Variants in FAR1 observed in about 807,000 individuals in gnomAD.
FAR1 encodes the protein male sterility domain-containing protein 2.
Under a neutral mutation model 61.1 loss-of-function variants are expected in FAR1, and 22 were observed. The ratio of observed to expected loss-of-function variants is 0.36; its 90% CI spans 0.26 to 0.51. The LOEUF is 0.51. Ranked by LOEUF, FAR1 falls within the 20% of genes least tolerant of loss-of-function variation. FAR1 has a pLI of 0.95. For synonymous variants in FAR1, 206 were observed against 209.7 expected (o/e 0.98, Z 0.15); for missense variants, 359 against 626.9 (o/e 0.57, Z 4.56).
chr11:13,711,340 G>A (rs746293322), intron 5 of FAR1, among the ~76,000 whole-genome samples: 3 of 152,120 alleles, frequency 2.0e-5, no homozygotes, highest in African/African-American at 4.8e-5. Flanking sequence ...GATAGCATCT[G>A]TTGTTGCTTT....
At chr11:13,674,166 G>A (rs970147100) in intron 1 of FAR1, among the ~76,000 whole-genome samples, 24 of 151,986 alleles carry the variant, frequency 1.6e-4, no homozygotes, top group East Asian at 3.9e-4. Context: ...AAAATTAGCC[G>A]GGCGTGGTGG....
At chr11:13,717,055 G>C (rs1848564603) in intron 9 of FAR1, among the ~76,000 whole-genome samples, 1 of 150,438 alleles carries the variant, frequency 6.6e-6, no homozygotes, top group Non-Finnish European at 1.5e-5. Context: ...TTTTTGGAAA[G>C]TACAATCTGC....
intron 6 of FAR1, 58 bp downstream of exon 6, chr11:13,711,866 C>T (rs1848502757): frequency 2.6e-6 from 4 of 1,540,286 alleles, no homozygotes; most frequent in Admixed American, 3.5e-5. Flanking sequence ...TTTTGTATAT[C>T]TTTAAATATA....
chr11:13,691,377 G>A (rs1236636825), intron 1 of FAR1, among the ~76,000 whole-genome samples: 1 of 152,160 alleles, frequency 6.6e-6, no homozygotes, highest in Non-Finnish European at 1.5e-5. Context: ...CTGAATTTTG[G>A]AGGGGACACA....
rs1848600067 is a variant in FAR1, at chr11:13,720,610, A to T, written c.1128-1120A>T. On this transcript the variant is annotated intron_variant, in intron 9 of 11. Transcript: ENST00000354817. ...CAGAGTTTATTTCTAAATGTATTGAATTGTGTTATCAGAAGTGCTTAGCTA... is the reference window on the plus strand; with the variant it reads ...CAGAGTTTATTTCTAAATGTATTGATTTGTGTTATCAGAAGTGCTTAGCTA... The T allele has an allele frequency of 3.3e-5, 5 of 152,010 alleles. No individual in the cohort carries two copies. The South Asian group carries it at 1.0e-3, about 32-fold the overall frequency. The allele number at this position is 152,010 out of a possible 1,614,324, so 9.4% of individuals were successfully genotyped here. A position where few individuals can be genotyped will look rare whatever the true frequency, so the allele number is the denominator to read the frequency against.
intron 4 of FAR1, among the ~76,000 whole-genome samples, chr11:13,708,306 C>T (rs868826495): frequency 6.6e-6 from 1 of 151,408 alleles, no homozygotes; most frequent in South Asian, 2.1e-4. Flanking sequence ...TGCAGTGAGC[C>T]GAGATGGCGC....
intron 4 of FAR1, among the ~76,000 whole-genome samples, chr11:13,708,382 A>G (rs1178440344): frequency 1.3e-5 from 2 of 149,858 alleles, no homozygotes; most frequent in African/African-American, 4.9e-5. Context: ...CAAAAAAAAA[A>G]CCTTTGGATT....
At chr11:13,688,159 T>C (rs1434723010) in intron 1 of FAR1, among the ~76,000 whole-genome samples, 1 of 151,578 alleles carries the variant, frequency 6.6e-6, no homozygotes, top group East Asian at 1.9e-4. Context: ...GAAAATAAAA[T>C]GAGTCTCTTG....
intron 1 of FAR1, chr11:13,685,431 C>T (rs137950523): frequency 3.6e-4 from 75 of 208,376 alleles, no homozygotes; most frequent in African/African-American, 1.6e-3. Context: ...ACATTTTCAG[C>T]TTGATATGGT....
At chr11:13,681,300 A>G (rs915156063) in intron 1 of FAR1, among the ~76,000 whole-genome samples, 43 of 152,178 alleles carry the variant, frequency 2.8e-4, no homozygotes, top group African/African-American at 8.2e-4. Context: ...AATAGGTCCA[A>G]CATGGGTTGG....
In FAR1 at chr11:13,721,844, C is replaced by G; in HGVS notation, c.1242C>G (p.Asn414Lys). 1 of 1,599,090 alleles carries G rather than the reference C, an allele frequency of 6.3e-7. No homozygotes were observed. The highest frequency in any genetic ancestry group is 8.5e-7 in the Non-Finnish European group (1 of 1,174,488). Residue 414 changes from asparagine to lysine, a missense_variant, in exon 10 of 12, where the codon AAC becomes AAG. Coordinates refer to ENST00000354817, the MANE Select transcript of FAR1 (RefSeq NM_032228.6). This position sits in a 1 kb window ranked among gnomAD's most constrained non-coding sequence, Gnocchi z 4.2. ...ENVNMLMNQL[N>K]PEDKKTFNID... Reference sequence around the variant, plus strand: ...TCAATATGTTAATGAATCAACTAAACCCTGAAGATAAAAAGGCAAGCAAGT... The same window carrying G: ...TCAATATGTTAATGAATCAACTAAAGCCTGAAGATAAAAAGGCAAGCAAGT...
chr11:13,710,464 G>T lies in FAR1; in HGVS notation c.546-229G>T, dbSNP rs144995575. 6.7e-3 allele frequency among the ~76,000 whole-genome samples: 1,020 copies of T among 151,938 alleles called. 13 individuals are homozygous for T. Among genetic ancestry groups the T allele is most frequent in the Middle Eastern group, 0.017 (5 of 294 alleles). ...GCTATCCACTGTATGATTTATGAAA[G>T]AACTCTTAGTTTTCAGATCTTTTTG... On this transcript the variant is annotated intron_variant, in intron 4 of 11. Transcript: ENST00000354817.
chr11:13,693,188 T>G (rs183422837), intron 1 of FAR1, among the ~76,000 whole-genome samples: 2 of 152,298 alleles, frequency 1.3e-5, no homozygotes, highest in African/African-American at 4.8e-5. Flanking sequence ...CAACAGCTAA[T>G]GAGCTTAAAA....
intron 9 of FAR1, among the ~76,000 whole-genome samples, chr11:13,717,024 T>G (rs1848564302): frequency 6.9e-6 from 1 of 144,328 alleles, no homozygotes; most frequent in South Asian, 2.2e-4. Flanking sequence ...GTGGTCAAGA[T>G]GAAGGGTATT....
rs145022839 is a variant in FAR1, at chr11:13,708,110, C to G, written c.545+31C>G. On this transcript the variant is annotated intron_variant, in intron 4 of 11. Transcript: ENST00000354817. ...TTTGTTTGAAATTTATATACATTTA[C>G]TTTGATCCCAAAAGAGGCCAAGGCG... 6.2e-5 allele frequency: 93 copies of G among 1,493,714 alleles called. No individual in the cohort carries two copies. The African/African-American group carries it at 1.1e-3, about 17-fold the overall frequency. 92.5% of individuals were successfully genotyped at this position (1,493,714 alleles called of 1,614,324 possible). A position where few individuals can be genotyped will look rare whatever the true frequency, so the allele number is the denominator to read the frequency against.
intron 1 of FAR1, among the ~76,000 whole-genome samples, chr11:13,682,340 T>C (rs759204737): frequency 6.6e-6 from 1 of 152,208 alleles, no homozygotes; most frequent in African/African-American, 2.4e-5. Flanking sequence ...TTGTGGAATA[T>C]TGGAAATCAT....
In FAR1 at chr11:13,712,057, T is replaced by G. The variant is rs900944877; in HGVS notation, c.887+11T>G. ...TTCCGGAGTTAATAGGTATATGAGG[T>G]GACAATGTCGCTTATTAAATATATA... On this transcript the variant is annotated intron_variant, in intron 7 of 11. Transcript: ENST00000354817. The G allele has an allele frequency of 3.9e-6, 6 of 1,540,456 alleles. No individual in the cohort carries two copies. The African/African-American group carries it at 8.2e-5, about 21-fold the overall frequency.
At chr11:13,692,108 A>G (rs1441712800) in intron 1 of FAR1, among the ~76,000 whole-genome samples, 2 of 152,200 alleles carry the variant, frequency 1.3e-5, no homozygotes, top group Non-Finnish European at 2.9e-5. Flanking sequence ...TAAAGGATGC[A>G]GTGAGCCGAG....
At chr11:13,697,916 A>C (rs978320704) in intron 2 of FAR1, among the ~76,000 whole-genome samples, 9 of 152,080 alleles carry the variant, frequency 5.9e-5, no homozygotes, top group African/African-American at 1.7e-4. Flanking sequence ...GTTTTATGTG[A>C]GATGAATGGA....
Sources: gnomAD v4.1 joint callset for allele counts (sites outside exome capture counted in the v4.1 genomes callset) on GRCh38, gnomAD v4.1.1 for gene constraint, Gnocchi (gnomAD v3.1) non-coding constraint, MANE v1.5 for transcripts, NCBI Gene and HGNC (gene_info 2026-07-23, HGNC 2026-07-21) for gene names.